Variants in NLGN1 observed in about 807,000 individuals in gnomAD.
The protein encoded by NLGN1 is neuroligin 1, also known as neuroligin-1.
NLGN1 carries 12 observed loss-of-function variants against 65.5 expected under a neutral mutation model. The observed-to-expected ratio is 0.18, with a 90% CI of 0.12 to 0.30. The LOEUF is 0.30. NLGN1 is among the 10% of genes least tolerant of loss of function. The pLI, the probability that NLGN1 is intolerant of heterozygous loss-of-function variation, is 1.00. For synonymous variants in NLGN1, 350 were observed against 359.5 expected (o/e 0.97, Z 0.30); for missense variants, 750 against 1,007.1 (o/e 0.74, Z 3.46).
intron 3 of NLGN1, among the ~76,000 whole-genome samples, chr3:173,770,881 C>T (rs1779480360): frequency 6.6e-6 from 1 of 152,018 alleles, no homozygotes; most frequent in African/African-American, 2.4e-5. Context: ...AGGCTTTCAA[C>T]CTTTATAGGA....
chr3:174,113,934 G>T (rs149490349), intron 4 of NLGN1, among the ~76,000 whole-genome samples: 3,308 of 152,182 alleles, frequency 0.022, 49 homozygotes, highest in Non-Finnish European at 0.031. Flanking sequence ...AATCAGGATT[G>T]ATAACAGTAG....
chr3:173,971,535 A>G (rs1231356104), intron 4 of NLGN1, among the ~76,000 whole-genome samples: 3 of 152,098 alleles, frequency 2.0e-5, no homozygotes, highest in African/African-American at 7.2e-5. Context: ...TAAGGAGAAT[A>G]TGTACACAAG....
intron 3 of NLGN1, among the ~76,000 whole-genome samples, chr3:173,650,511 A>G (rs1057179228): frequency 6.6e-6 from 1 of 152,152 alleles, no homozygotes; most frequent in Non-Finnish European, 1.5e-5. Context: ...TGTATTGTCA[A>G]ACTTTAAAGT....
chr3:173,869,058 T>C (rs1377166995), intron 4 of NLGN1, among the ~76,000 whole-genome samples: 1 of 152,190 alleles, frequency 6.6e-6, no homozygotes, highest in African/African-American at 2.4e-5. Flanking sequence ...GAGTATATTT[T>C]ACTAAATGAT....
intron 4 of NLGN1, among the ~76,000 whole-genome samples, chr3:174,128,105 G>A (rs7630544): frequency 2.0e-5 from 3 of 152,072 alleles, no homozygotes; most frequent in South Asian, 2.1e-4. Flanking sequence ...CCATTGCTAC[G>A]AAACCTCCTA....
Position 173,591,816 on chromosome 3 carries a change from G to C in NLGN1, c.-320-12463G>C, listed in dbSNP as rs56867465. On this transcript the variant is annotated intron_variant, in intron 2 of 6. Coordinates refer to ENST00000457714, the Ensembl canonical transcript of NLGN1. ...GTTGAGACTGTAGCACTCTTCTTAG[G>C]TTGTGCTAGCTTCTCTATAAAGATA... Among the ~76,000 whole-genome samples, 559 of 152,250 alleles carry C rather than the reference G, an allele frequency of 3.7e-3. 21 individuals carry two copies. The East Asian group carries it at 0.082, about 22-fold the overall frequency.
At chr3:173,984,080 T>A (rs1396744027) in intron 4 of NLGN1, among the ~76,000 whole-genome samples, 1 of 152,166 alleles carries the variant, frequency 6.6e-6, no homozygotes, top group Non-Finnish European at 1.5e-5. Flanking sequence ...AACAATGTGA[T>A]GCCCCAGGTG....
rs202165284 is a variant in NLGN1 at position 173,604,665 on chromosome 3, C to T, written c.67C>T (p.Arg23Trp). The T allele has an allele frequency of 5.9e-5, 96 of 1,613,628 alleles. No homozygotes were observed. The highest frequency in any genetic ancestry group is 3.7e-4 in the South Asian group (34 of 91,064). ...AGCAGTGATGGCATGCTTGGTACAC[C>T]GGGGATTGGGTGCCCCATTGACTCT... Residue 23 changes from arginine to tryptophan, a missense_variant, in exon 3 of 7, where the codon CGG becomes TGG. Arg to Trp is a moderately radical substitution (Grantham distance 101, BLOSUM62 -3). Transcript: ENST00000457714.
intron 2 of NLGN1, among the ~76,000 whole-genome samples, chr3:173,467,785 T>G (rs1724623880): frequency 6.6e-6 from 1 of 152,090 alleles, no homozygotes. Context: ...TCAGTGTGAG[T>G]CAATGAGTCC....
chr3:173,427,581 A>G (rs1716357400), intron 1 of NLGN1, among the ~76,000 whole-genome samples: 1 of 151,878 alleles, frequency 6.6e-6, no homozygotes, highest in Admixed American at 6.6e-5. Context: ...TTGGTTTTTC[A>G]AGGCCATGTT....
chr3:173,844,630 C>T lies in NLGN1; in HGVS notation c.646+36798C>T, dbSNP rs536242433. ...AAAAACAATTCATCTGGTTTCATCT[C>T]CTCTGCATTTAGAGTTCTTGATTTA... On this transcript the variant is annotated intron_variant, in intron 4 of 6. Coordinates refer to ENST00000457714, the Ensembl canonical transcript of NLGN1. Among the ~76,000 whole-genome samples, 3 of 152,006 alleles carry T rather than the reference C, an allele frequency of 2.0e-5. No individual in the cohort carries two copies. In the South Asian group the frequency reaches 6.2e-4, roughly 31 times the overall value.
intron 4 of NLGN1, among the ~76,000 whole-genome samples, chr3:173,824,223 C>T (rs1450620966): frequency 6.6e-6 from 1 of 152,038 alleles, no homozygotes; most frequent in African/African-American, 2.4e-5. Context: ...ATGGTTTCTA[C>T]CTTGTAATGT....
At chr3:173,598,074 TC>T (rs1283969864) in intron 2 of NLGN1, among the ~76,000 whole-genome samples, 1 of 152,202 alleles carries the variant, frequency 6.6e-6, no homozygotes. Context: ...TTTCTAGTAC[TC>T]CCTTTCGTTG....
intron 3 of NLGN1, among the ~76,000 whole-genome samples, chr3:173,628,380 C>T (rs1461647352): frequency 1.3e-5 from 2 of 152,002 alleles, no homozygotes; most frequent in African/African-American, 4.8e-5. Context: ...TTAGGTTTTG[C>T]CTTTTACAGT....
At chr3:173,529,828 T>C (rs1056553909) in intron 2 of NLGN1, among the ~76,000 whole-genome samples, 2 of 151,994 alleles carry the variant, frequency 1.3e-5, no homozygotes, top group Admixed American at 1.3e-4. Flanking sequence ...TGAGGCTGGG[T>C]ATTAGCTGTG....
chr3:174,158,678 AG>A lies in NLGN1; in HGVS notation c.647-116636del, dbSNP rs548914262. ...TGTTTGAGAAACACTTAGTTGGAATAGTGTTATTTTGTGTGGGTATAAATGT... is the reference window on the plus strand; with the variant it reads ...TGTTTGAGAAACACTTAGTTGGAATATGTTATTTTGTGTGGGTATAAATGT... On this transcript the variant is annotated intron_variant, in intron 4 of 6. Transcript: ENST00000457714. Among the ~76,000 whole-genome samples the A allele has an allele frequency of 5.9e-3, 893 of 151,786 alleles. 7 individuals carry two copies. The highest frequency in any genetic ancestry group is 0.02 in the African/African-American group (835 of 41,494).
intron 4 of NLGN1, among the ~76,000 whole-genome samples, chr3:174,045,457 A>C (rs1299014397): frequency 6.6e-6 from 1 of 152,064 alleles, no homozygotes; most frequent in Non-Finnish European, 1.5e-5. Context: ...TCATGATCTC[A>C]TCACTTCCCA....
At chr3:173,906,874 A>G (rs1738511476) in intron 4 of NLGN1, among the ~76,000 whole-genome samples, 1 of 149,660 alleles carries the variant, frequency 6.7e-6, no homozygotes, top group African/African-American at 2.5e-5. Context: ...CAAACAAACA[A>G]AAACAAAAAA....
rs561834055 is a variant in NLGN1 at position 173,500,576 on chromosome 3, T to A, written c.-321+65498T>A. ...ATAATGCTGGCCTCATAAAATGAGT[T>A]AGGGAAGATTCCCTCTTTTTCTATT... On this transcript the variant is annotated intron_variant, in intron 2 of 6. Coordinates refer to ENST00000457714, the Ensembl canonical transcript of NLGN1. Among the ~76,000 whole-genome samples, 9 of 152,292 alleles carry A rather than the reference T, an allele frequency of 5.9e-5. No homozygotes were observed. In the East Asian group the frequency reaches 1.7e-3, roughly 29 times the overall value.
Sources: gnomAD v4.1 joint callset for allele counts (sites outside exome capture counted in the v4.1 genomes callset) on GRCh38, gnomAD v4.1.1 for gene constraint, MANE v1.5 for transcripts, NCBI Gene and HGNC (gene_info 2026-07-23, HGNC 2026-07-21) for gene names.